Variants in CCDC6 observed in about 807,000 individuals in gnomAD.
The protein encoded by CCDC6 is coiled-coil domain-containing protein 6.
In CCDC6, 20 loss-of-function variants were observed where a neutral mutation model predicts 56.6. The observed-to-expected ratio is 0.35, with a 90% CI of 0.25 to 0.51. CCDC6 has a LOEUF of 0.51. CCDC6 is among the 20% of genes least tolerant of loss of function. The pLI, the probability that CCDC6 is intolerant of heterozygous loss-of-function variation, is 0.95. For synonymous variants in CCDC6, 241 were observed against 234.4 expected (o/e 1.03, Z -0.26); for missense variants, 367 against 601.1 (o/e 0.61, Z 4.07).
intron 3 of CCDC6, among the ~76,000 whole-genome samples, chr10:59,818,006 C>T (rs780714256): frequency 6.6e-5 from 10 of 152,126 alleles, no homozygotes; most frequent in Non-Finnish European, 1.2e-4. Context: ...GTCATGCCAC[C>T]AAGATAGGAA....
rs2070479186 is a variant in CCDC6 at position 59,792,749 on chromosome 10, C to T, written c.*168G>A. The T allele has an allele frequency of 1.2e-6, 1 of 816,984 alleles. No homozygotes were observed. The highest frequency in any genetic ancestry group is 1.7e-5 in the African/African-American group (1 of 60,058). The allele number at this position is 816,984 out of a possible 1,614,324, so 50.6% of individuals were successfully genotyped here. On this transcript the variant is annotated 3_prime_UTR_variant, in exon 9 of 9. Coordinates refer to ENST00000263102, the MANE Select transcript of CCDC6 (RefSeq NM_005436.5). ...TCTGGTTAGTGTTGTAGACCCACAA[C>T]ACTGGCTGCATTTCTGACAAACATT...
chr10:59,905,484 C>A (rs2071536241), intron 1 of CCDC6, among the ~76,000 whole-genome samples: 3 of 152,102 alleles, frequency 2.0e-5, no homozygotes, highest in Admixed American at 2.0e-4. Flanking sequence ...TCGCTGTAAA[C>A]CGTCCACCCT....
At chr10:59,802,858 G>A (rs778689556) in intron 7 of CCDC6, among the ~76,000 whole-genome samples, 1 of 151,982 alleles carries the variant, frequency 6.6e-6, no homozygotes, top group Non-Finnish European at 1.5e-5. Context: ...TTAATCAATC[G>A]GAAATTACAT....
chr10:59,793,013 A>T lies in CCDC6; in HGVS notation c.1329T>A (p.Pro443=). The T allele has an allele frequency of 6.2e-7, 1 of 1,610,758 alleles. No individual in the cohort carries two copies. Among genetic ancestry groups the T allele is most frequent in the Non-Finnish European group, 8.5e-7 (1 of 1,177,398 alleles). The part of the protein sequence containing the change: ...NTQTPVQPPP[P]PPPPPMQPTV... ...TGGGCTGCATGGGTGGCGGAGGTGG[A>T]GGCGGAGGTGGCTGGACTGGGGTCT... The change falls in exon 9 of 9, where the codon CCT becomes CCA. Residue 443 remains proline, a synonymous_variant. Transcript: ENST00000263102.
At chr10:59,838,168 G>A (rs1209364816) in intron 2 of CCDC6, among the ~76,000 whole-genome samples, 1 of 151,980 alleles carries the variant, frequency 6.6e-6, no homozygotes, top group Non-Finnish European at 1.5e-5. Context: ...AGTATTCTGG[G>A]TCAATGCCTC....
chr10:59,859,657 A>G (rs1365403850), intron 1 of CCDC6, among the ~76,000 whole-genome samples: 1 of 152,240 alleles, frequency 6.6e-6, no homozygotes, highest in African/African-American at 2.4e-5. Flanking sequence ...GAGAAAGATT[A>G]TCAAAGCACA....
intron 1 of CCDC6, among the ~76,000 whole-genome samples, chr10:59,854,727 G>T (rs970251817): frequency 6.6e-6 from 1 of 152,116 alleles, no homozygotes; most frequent in Non-Finnish European, 1.5e-5. Flanking sequence ...AGGATTTCAC[G>T]CTAGTGCCAT....
At chr10:59,900,472 G>A (rs2071497244) in intron 1 of CCDC6, among the ~76,000 whole-genome samples, 1 of 152,196 alleles carries the variant, frequency 6.6e-6, no homozygotes, top group Non-Finnish European at 1.5e-5. Context: ...TGATGTGAGA[G>A]CTTAGAGAAT....
At chr10:59,818,680 A>G (rs1043746998) in intron 3 of CCDC6, among the ~76,000 whole-genome samples, 2 of 152,090 alleles carry the variant, frequency 1.3e-5, no homozygotes, top group Non-Finnish European at 2.9e-5. Context: ...GTGTCCTACA[A>G]TGAGTTGGTG....
rs1429669785 is a variant in CCDC6 at position 59,792,082 on chromosome 10, C to G, written c.*835G>C. ...GAAGCCGCATTGTTTTTGTTACAAT[C>G]ACACTGCCTTCTGCAGCAGAAATCA... On this transcript the variant is annotated 3_prime_UTR_variant, in exon 9 of 9. Coordinates refer to ENST00000263102, the MANE Select transcript of CCDC6 (RefSeq NM_005436.5). The G allele has an allele frequency of 2.2e-5, 5 of 229,120 alleles. No individual in the cohort carries two copies. The East Asian group carries it at 3.2e-4, about 15-fold the overall frequency. The allele number at this position is 229,120 out of a possible 1,614,324, so 14.2% of individuals were successfully genotyped here. A position where few individuals can be genotyped will look rare whatever the true frequency, so the allele number is the denominator to read the frequency against.
At chr10:59,845,768 G>C (rs2132652403) in intron 2 of CCDC6, among the ~76,000 whole-genome samples, 1 of 152,208 alleles carries the variant, frequency 6.6e-6, no homozygotes, top group Non-Finnish European at 1.5e-5. Flanking sequence ...AGTATTAAGG[G>C]CCCTGAAAAA....
chr10:59,792,715 A>G lies in CCDC6; in HGVS notation c.*202T>C, dbSNP rs1032264149. 3 of 766,324 alleles carry G rather than the reference A, an allele frequency of 3.9e-6. No homozygotes were observed. Among genetic ancestry groups the G allele is most frequent in the Non-Finnish European group, 7.1e-6 (3 of 420,102 alleles). 47.5% of individuals were successfully genotyped at this position (766,324 alleles called of 1,614,324 possible). On this transcript the variant is annotated 3_prime_UTR_variant, in exon 9 of 9. Transcript: ENST00000263102. ...GAAGATTCAAGTAAAACACTGATGGAAAAAGTCGTCTGGTTAGTGTTGTAG... is the reference window on the plus strand; with the variant it reads ...GAAGATTCAAGTAAAACACTGATGGGAAAAGTCGTCTGGTTAGTGTTGTAG...
chr10:59,793,774 G>A (rs1378495605), intron 8 of CCDC6, among the ~76,000 whole-genome samples: 36 of 144,038 alleles, frequency 2.5e-4, no homozygotes, highest in South Asian at 2.2e-4. Context: ...ACAGAGTGAG[G>A]AAAAAAAAAA....
intron 3 of CCDC6, among the ~76,000 whole-genome samples, chr10:59,815,119 G>T (rs940327990): frequency 6.6e-6 from 1 of 152,024 alleles, no homozygotes; most frequent in African/African-American, 2.4e-5. Flanking sequence ...TTATTCTTCC[G>T]GGCTTGTCCC....
Position 59,794,356 on chromosome 10 carries a change from G to A in CCDC6, c.1230+117C>T, listed in dbSNP as rs185704771. ...AAGTCTCTACAGTTTCAAGGTGAAC[G>A]GATGGAGGAGGCAGGAAGAAGGGCA... On this transcript the variant is annotated intron_variant, in intron 8 of 8. Coordinates refer to ENST00000263102, the MANE Select transcript of CCDC6 (RefSeq NM_005436.5). 56 of 973,754 alleles carry A rather than the reference G, an allele frequency of 5.8e-5. No individual in the cohort carries two copies. In the East Asian group the frequency reaches 9.2e-4, roughly 16 times the overall value. 60.3% of individuals were successfully genotyped at this position (973,754 alleles called of 1,614,324 possible).
At chr10:59,858,774 G>A (rs2071100019) in intron 1 of CCDC6, among the ~76,000 whole-genome samples, 1 of 152,174 alleles carries the variant, frequency 6.6e-6, no homozygotes. Context: ...ACAGAGCAAT[G>A]AAAAATTGCT....
rs759097104 is a variant in CCDC6, at chr10:59,794,453, C to T, written c.1230+20G>A. 2.5e-6 allele frequency: 4 copies of T among 1,613,602 alleles called. No individual in the cohort carries two copies. The highest frequency in any genetic ancestry group is 3.4e-6 in the Non-Finnish European group (4 of 1,179,626). On this transcript the variant is annotated intron_variant, in intron 8 of 8. Transcript: ENST00000263102. ...CACTTTCAGGAGTAAAGTGCTGCTTCCTACCCCACGGACACTTACTGTGAT... is the reference window on the plus strand; with the variant it reads ...CACTTTCAGGAGTAAAGTGCTGCTTTCTACCCCACGGACACTTACTGTGAT...
chr10:59,842,745 A>G lies in CCDC6; in HGVS notation c.453+9808T>C, dbSNP rs1363016367. Among the ~76,000 whole-genome samples, 3 of 146,064 alleles carry G rather than the reference A, an allele frequency of 2.1e-5. No individual in the cohort carries two copies. In the Admixed American group the frequency reaches 2.1e-4, roughly 10 times the overall value. The stretch of plus-strand genomic sequence containing the variant: ...TTTTTTTCCCTTTAGAATTTATGGA[A>G]GACAATTTTTTTTTTTTTTTTTTTT... On this transcript the variant is annotated intron_variant, in intron 2 of 8. Coordinates refer to ENST00000263102, the MANE Select transcript of CCDC6 (RefSeq NM_005436.5).
intron 5 of CCDC6, among the ~76,000 whole-genome samples, chr10:59,807,900 C>T (rs1267770655): frequency 2.0e-5 from 3 of 152,198 alleles, no homozygotes; most frequent in Non-Finnish European, 2.9e-5. Flanking sequence ...CCAAGAACCA[C>T]TGTACTAGAA....
Sources: allele counts gnomAD v4.1 joint callset (sites outside exome capture counted in the v4.1 genomes callset), GRCh38; gene constraint gnomAD v4.1.1; transcripts MANE v1.5; gene names NCBI Gene and HGNC (gene_info 2026-07-23, HGNC 2026-07-21).